Variants in PGS1 observed in about 807,000 individuals in gnomAD.
PGS1 encodes CDP-diacylglycerol--glycerol-3-phosphate 3-phosphatidyltransferase, mitochondrial.
PGS1 carries 44 observed loss-of-function variants against 58.3 expected under a neutral mutation model. That is an observed-to-expected ratio of 0.75 (90% confidence interval 0.59 to 0.97). The LOEUF is 0.97. PGS1 is among the 50% of genes least tolerant of loss of function. The pLI, the probability that PGS1 is intolerant of heterozygous loss-of-function variation, is 0.00. For synonymous variants in PGS1, 330 were observed against 311.0 expected, an observed-to-expected ratio of 1.06 and a Z score of -0.64; for missense variants, 684 against 731.1, an observed-to-expected ratio of 0.94 and a Z score of 0.74.
rs748047706 is a variant in PGS1, at chr17:78,424,048, A to T, written c.*11-13A>T. ...ACACTCATAGATGTTCTTGGTCTCCATGCGGTCCACAGGAATGGCCTTGAT... is the reference window on the plus strand; with the variant it reads ...ACACTCATAGATGTTCTTGGTCTCCTTGCGGTCCACAGGAATGGCCTTGAT... On this transcript the variant is annotated splice_polypyrimidine_tract_variant and intron_variant, in intron 9 of 9. Coordinates refer to ENST00000262764, the MANE Select transcript of PGS1 (RefSeq NM_024419.5). The T allele has an allele frequency of 6.2e-7, 1 of 1,614,056 alleles. No homozygotes were observed. Among genetic ancestry groups the T allele is most frequent in the Admixed American group, 1.7e-5 (1 of 60,036 alleles).
At chr17:78,399,247 A>G in intron 4 of PGS1, 101 bp from the exon 5 acceptor site, 3 of 856,308 alleles carry the variant, frequency 3.5e-6, no homozygotes, top group Non-Finnish European at 3.8e-6. Flanking sequence ...ATTCAGGTGG[A>G]CGGCACAGGT....
chr17:78,401,095 G>A (rs9891030), intron 6 of PGS1, among the ~76,000 whole-genome samples: 34,042 of 151,910 alleles, frequency 0.22, 3,882 homozygotes, highest in South Asian at 0.25. Flanking sequence ...TCCTTGAGGC[G>A]GAGTCACTCA....
At chr17:78,423,067 C>T (rs1369786176) in intron 9 of PGS1, among the ~76,000 whole-genome samples, 2 of 150,332 alleles carry the variant, frequency 1.3e-5, no homozygotes, top group South Asian at 4.2e-4. Context: ...CATTGCACTC[C>T]AGCCTGGGCG....
At position 78,400,277 on chromosome 17, in the gene PGS1, C is replaced by T. The variant is rs149320305; in HGVS notation, c.702-400C>T. ...GCACACACCTGTAATCCCAGCTACTCGGGAGGCTGAGGCAGGAGGATCACT... is the reference window on the plus strand; with the variant it reads ...GCACACACCTGTAATCCCAGCTACTTGGGAGGCTGAGGCAGGAGGATCACT... On this transcript the variant is annotated intron_variant, in intron 5 of 9. Transcript: ENST00000262764. This position sits in a 1 kb window ranked among gnomAD's most constrained non-coding sequence, Gnocchi z 4.4. Among the ~76,000 whole-genome samples, 249 of 151,882 alleles carry T rather than the reference C, an allele frequency of 1.6e-3. 2 individuals are homozygous for T. The highest frequency in any genetic ancestry group is 5.8e-3 in the African/African-American group (239 of 41,394).
In PGS1 at chr17:78,395,293, A is replaced by G. The variant is rs57655571; in HGVS notation, c.334-1015A>G. 9.3e-3 allele frequency among the ~76,000 whole-genome samples: 1,422 copies of G among 152,268 alleles called. 24 individuals are homozygous for G. The highest frequency in any genetic ancestry group is 0.032 in the African/African-American group (1,311 of 41,534). ...TTTCTTTATAATCATCACCCCCACA[A>G]ACATCTGTTTTAATTGGTAACAAAA... is the stretch of plus-strand genomic sequence containing the variant. On this transcript the variant is annotated intron_variant, in intron 2 of 9. Transcript: ENST00000262764.
At chr17:78,405,504 A>G (rs1056552156) in intron 7 of PGS1, among the ~76,000 whole-genome samples, 2 of 152,140 alleles carry the variant, frequency 1.3e-5, no homozygotes, top group Admixed American at 1.3e-4. Flanking sequence ...ACACTCTGCA[A>G]TGCATGTTTA....
At chr17:78,381,714 G>A (rs2082047799) in intron 1 of PGS1, among the ~76,000 whole-genome samples, 1 of 152,200 alleles carries the variant, frequency 6.6e-6, no homozygotes, top group South Asian at 2.1e-4. Context: ...TGGAGGGCCA[G>A]TGAACCCTCG....
In PGS1 at chr17:78,385,413, C is replaced by T. The variant is rs529894500; in HGVS notation, c.143+6605C>T. Among the ~76,000 whole-genome samples, 6 of 152,318 alleles carry T rather than the reference C, an allele frequency of 3.9e-5. No individual in the cohort carries two copies. In the East Asian group the frequency reaches 9.6e-4, roughly 24 times the overall value. On this transcript the variant is annotated intron_variant, in intron 1 of 9. Coordinates refer to ENST00000262764, the MANE Select transcript of PGS1 (RefSeq NM_024419.5). ...ATGCCATTCTCCTGCCTCAGCCTCC[C>T]GAGTAGCTGGGACTGCAGGTGCCTG...
At chr17:78,415,293 C>G (rs938031491) in intron 8 of PGS1, among the ~76,000 whole-genome samples, 1 of 152,210 alleles carries the variant, frequency 6.6e-6, no homozygotes, top group African/African-American at 2.4e-5. Context: ...ACCATTTTCT[C>G]CCTGGGACCT....
chr17:78,408,283 C>G (rs893253405), intron 7 of PGS1, among the ~76,000 whole-genome samples: 2 of 152,132 alleles, frequency 1.3e-5, no homozygotes, highest in African/African-American at 4.8e-5. Flanking sequence ...TCAGAATACT[C>G]AGGAGAAGCC....
At position 78,396,346 on chromosome 17, in the gene PGS1, A is replaced by G. The variant is rs368492252; in HGVS notation, c.372A>G (p.Ala124=). 2 of 1,613,642 alleles carry G rather than the reference A, an allele frequency of 1.2e-6. No individual in the cohort carries two copies. The highest frequency in any genetic ancestry group is 1.7e-6 in the Non-Finnish European group (2 of 1,179,804). Residue 124 remains alanine, a synonymous_variant, in exon 3 of 10, where the codon GCA becomes GCG. Transcript: ENST00000262764. Reference sequence around the variant, plus strand: ...TAGCCAAGAGGCGGGTCGTGATGGCATCCCTCTACCTGGGGACAGGTCCTT... The same window carrying G: ...TAGCCAAGAGGCGGGTCGTGATGGCGTCCCTCTACCTGGGGACAGGTCCTT... ...IRVAKRRVVM[A]SLYLGTGPLE...
At chr17:78,415,860 A>G (rs997499413) in intron 8 of PGS1, among the ~76,000 whole-genome samples, 4 of 152,198 alleles carry the variant, frequency 2.6e-5, no homozygotes, top group Non-Finnish European at 5.9e-5. Context: ...GACCTTTGCA[A>G]TAACACTTTT....
intron 7 of PGS1, among the ~76,000 whole-genome samples, chr17:78,409,941 T>A (rs1176538058): frequency 1.3e-5 from 2 of 151,970 alleles, no homozygotes; most frequent in Non-Finnish European, 2.9e-5. Context: ...TGAAACTGTG[T>A]CTCTACTAAA....
rs2085507402 is a variant in PGS1 at position 78,419,557 on chromosome 17, G to C, written c.1563G>C (p.Gln521His). The C allele has an allele frequency of 6.2e-7, 1 of 1,613,890 alleles. No homozygotes were observed. Among genetic ancestry groups the C allele is most frequent in the Non-Finnish European group, 8.5e-7 (1 of 1,179,872 alleles). ...TTCCTCTTCCTCAGGAGCAAGAGCA[G>C]CTCTACCTGAGGTCAGGTGTGGTGT... ...LQQQLHQEQE[Q>H]LYLRSGVVSS... Residue 521 changes from glutamine to histidine, a missense_variant, in exon 9 of 10, where the codon CAG (glutamine) becomes CAC (histidine). Coordinates refer to ENST00000262764, the MANE Select transcript of PGS1 (RefSeq NM_024419.5).
intron 7 of PGS1, among the ~76,000 whole-genome samples, chr17:78,412,605 T>C (rs922878226): frequency 2.6e-5 from 4 of 152,184 alleles, no homozygotes; most frequent in African/African-American, 9.7e-5. Flanking sequence ...ATAAAAAGCA[T>C]GTGTAGAACC....
intron 1 of PGS1, among the ~76,000 whole-genome samples, chr17:78,379,816 C>G (rs1426290477): frequency 6.7e-6 from 1 of 149,352 alleles, no homozygotes; most frequent in Non-Finnish European, 1.5e-5. Context: ...GCAACAAGAG[C>G]AAAACTCTGT....
intron 7 of PGS1, among the ~76,000 whole-genome samples, chr17:78,412,221 A>G (rs1396695197): frequency 6.6e-6 from 1 of 152,054 alleles, no homozygotes; most frequent in Non-Finnish European, 1.5e-5. Flanking sequence ...CTGTCTACTT[A>G]GGGCTCCCCA....
chr17:78,392,371 C>T, intron 1 of PGS1, 105 bp from the exon 2 acceptor site: 1 of 700,036 alleles, frequency 1.4e-6, no homozygotes, highest in Non-Finnish European at 2.4e-6. Context: ...ACAAGCAACG[C>T]ACCCATCTCC....
At chr17:78,397,034 C>T (rs1219283170) in intron 3 of PGS1, among the ~76,000 whole-genome samples, 1 of 152,208 alleles carries the variant, frequency 6.6e-6, no homozygotes, top group Non-Finnish European at 1.5e-5. Flanking sequence ...GCTCGTTCTG[C>T]CAAGGGCTGG....
Sources: gnomAD v4.1 joint callset for allele counts (sites outside exome capture counted in the v4.1 genomes callset) on GRCh38, gnomAD v4.1.1 for gene constraint, Gnocchi (gnomAD v3.1) non-coding constraint, MANE v1.5 for transcripts, NCBI Gene and HGNC (gene_info 2026-07-23, HGNC 2026-07-21) for gene names.